FHOD3: variants seen among roughly 807,000 people sequenced by gnomAD.
The protein encoded by FHOD3 is formin homology 2 domain containing 3.
Under a neutral mutation model 173.0 loss-of-function variants are expected in FHOD3, and 90 were observed. The observed-to-expected ratio is 0.52, with a 90% CI of 0.44 to 0.62. The LOEUF is 0.62. FHOD3 is among the 20% of genes least tolerant of loss of function. FHOD3 has a pLI of 0.00. For missense variants in FHOD3, 1,945 were observed against 2,034.7 expected (o/e 0.96, Z 0.85); for synonymous variants, 828 against 823.0 (o/e 1.01, Z -0.10).
intron 19 of FHOD3, among the ~76,000 whole-genome samples, chr18:36,727,139 C>A (rs1029016698): frequency 2.6e-5 from 4 of 151,998 alleles, no homozygotes; most frequent in Non-Finnish European, 5.9e-5. Context: ...GGATGAGACG[C>A]TTTGGGAAGG....
At chr18:36,685,585 G>A (rs2038556713) in intron 15 of FHOD3, among the ~76,000 whole-genome samples, 1 of 152,190 alleles carries the variant, frequency 6.6e-6, no homozygotes, top group Admixed American at 6.5e-5. Flanking sequence ...TTCTAGTGTG[G>A]AAAGTGATGA....
intron 13 of FHOD3, among the ~76,000 whole-genome samples, chr18:36,657,031 T>TA (rs1200388400): frequency 1.3e-5 from 2 of 152,254 alleles, no homozygotes; most frequent in Admixed American, 1.3e-4. Flanking sequence ...AAAGTTGACT[T>TA]ACTCTGTCGA....
At chr18:36,732,379 T>G (rs1370915815) in intron 20 of FHOD3, among the ~76,000 whole-genome samples, 1 of 152,166 alleles carries the variant, frequency 6.6e-6, no homozygotes, top group Non-Finnish European at 1.5e-5. Context: ...GTAGCTCTAC[T>G]CTGAGAAACA....
intron 3 of FHOD3, among the ~76,000 whole-genome samples, chr18:36,410,842 A>T (rs1479691123): frequency 6.6e-6 from 1 of 152,178 alleles, no homozygotes. Context: ...CACTTAAAAA[A>T]TAGGGTTATT....
At chr18:36,659,208 G>A (rs2036617087) in intron 14 of FHOD3, among the ~76,000 whole-genome samples, 1 of 152,180 alleles carries the variant, frequency 6.6e-6, no homozygotes, top group Admixed American at 6.5e-5. Context: ...GAGGAAGGGA[G>A]GTCCAGTGGG....
At chr18:36,512,663 A>G (rs2055722318) in intron 5 of FHOD3, 120 bp downstream of exon 5, 4 of 707,886 alleles carry the variant, frequency 5.7e-6, no homozygotes, top group African/African-American at 1.8e-5. Context: ...AAGGTGGTAA[A>G]GACACCCTTT....
At chr18:36,512,258 A>G (rs536502439) in intron 4 of FHOD3, among the ~76,000 whole-genome samples, 180 bp from the exon 5 acceptor site, 9 of 152,368 alleles carry the variant, frequency 5.9e-5, no homozygotes, top group African/African-American at 2.2e-4. Context: ...GCAAAGGACA[A>G]TGTTAGGACT....
At chr18:36,446,690 A>T (rs1385908451) in intron 3 of FHOD3, among the ~76,000 whole-genome samples, 1 of 152,150 alleles carries the variant, frequency 6.6e-6, no homozygotes, top group Non-Finnish European at 1.5e-5. Context: ...TGGCCAGTTC[A>T]TACGCAAACT....
chr18:36,352,080 G>A (rs2046154334), intron 1 of FHOD3, among the ~76,000 whole-genome samples: 1 of 152,044 alleles, frequency 6.6e-6, no homozygotes, highest in Non-Finnish European at 1.5e-5. Context: ...CAAATTCTCA[G>A]GAATTTCGTG....
chr18:36,576,071 G>A (rs1199078767), intron 5 of FHOD3, among the ~76,000 whole-genome samples: 6 of 152,188 alleles, frequency 3.9e-5, no homozygotes, highest in South Asian at 4.1e-4. Context: ...TGGAAACTTC[G>A]TTTGTCCTTG....
chr18:36,318,199 C>G (rs1204646520), intron 1 of FHOD3, among the ~76,000 whole-genome samples: 1 of 151,982 alleles, frequency 6.6e-6, no homozygotes, highest in Admixed American at 6.6e-5. Flanking sequence ...ATTGTCTTGG[C>G]TAGGCAGGCT....
chr18:36,361,946 T>C (rs1456478644), intron 2 of FHOD3, among the ~76,000 whole-genome samples: 1 of 152,118 alleles, frequency 6.6e-6, no homozygotes, highest in Non-Finnish European at 1.5e-5. Flanking sequence ...AAGACGGCAT[T>C]CCTGAAAAGG....
In FHOD3 at chr18:36,691,575, A is replaced by C. The variant is rs946948526; in HGVS notation, c.2022-1634A>C. Among the ~76,000 whole-genome samples, 6 of 128,624 alleles carry C rather than the reference A, an allele frequency of 4.7e-5. No homozygotes were observed. The South Asian group carries it at 9.9e-4, about 21-fold the overall frequency. 84.4% of individuals were successfully genotyped at this position (128,624 alleles called of 152,430 possible). ...CTTGCTGGCCCGAATTAAGGCCACA[A>C]ACACATTCCTTTTGTTGCCTCTCTT... On this transcript the variant is annotated intron_variant, in intron 16 of 28. Coordinates refer to ENST00000590592, the MANE Select transcript of FHOD3 (RefSeq NM_001281740.3).
At chr18:36,401,640 C>A (rs1381599934) in intron 3 of FHOD3, among the ~76,000 whole-genome samples, 3 of 152,186 alleles carry the variant, frequency 2.0e-5, no homozygotes, top group Admixed American at 1.3e-4. Flanking sequence ...CTCACTTTCC[C>A]AATGTGTAAA....
intron 3 of FHOD3, among the ~76,000 whole-genome samples, chr18:36,483,093 C>G (rs1177826773): frequency 2.0e-5 from 3 of 152,130 alleles, no homozygotes; most frequent in Admixed American, 6.5e-5. Context: ...CTGGAGCAGC[C>G]AGGAAGACTG....
At chr18:36,552,276 C>T (rs2057689383) in intron 5 of FHOD3, among the ~76,000 whole-genome samples, 1 of 152,114 alleles carries the variant, frequency 6.6e-6, no homozygotes, top group South Asian at 2.1e-4. Context: ...TGGGAGTTCA[C>T]TCATGATTTG....
intron 10 of FHOD3, among the ~76,000 whole-genome samples, chr18:36,636,628 G>GCCCCAGATAAATAATTTCATTCCTGA (rs2034904009): frequency 6.6e-6 from 1 of 151,224 alleles, no homozygotes; most frequent in South Asian, 2.1e-4. Flanking sequence ...TATCCACATG[G>GCCCCAGATAAATAATTTCATTCCTGA]CCCCAGATAA....
intron 3 of FHOD3, among the ~76,000 whole-genome samples, chr18:36,470,950 A>G (rs1054954476): frequency 6.6e-6 from 1 of 152,196 alleles, no homozygotes; most frequent in Non-Finnish European, 1.5e-5. Context: ...GAACTGGGAC[A>G]TGATGGCACC....
chr18:36,651,023 A>T (rs528053550), intron 11 of FHOD3, among the ~76,000 whole-genome samples: 6 of 152,256 alleles, frequency 3.9e-5, no homozygotes, highest in African/African-American at 1.4e-4. Flanking sequence ...ATTAACCTTC[A>T]TCTGGATGTT....
Sources: allele counts gnomAD v4.1 joint callset (sites outside exome capture counted in the v4.1 genomes callset), GRCh38; gene constraint gnomAD v4.1.1; transcripts MANE v1.5; gene names NCBI Gene and HGNC (gene_info 2026-07-23, HGNC 2026-07-21).